Variants in TENM3 observed in about 807,000 individuals in gnomAD.
TENM3 encodes teneurin transmembrane protein 3, also known as teneurin-3.
In TENM3, 63 loss-of-function variants were observed where a neutral mutation model predicts 255.1. The observed-to-expected ratio is 0.25, with a 90% confidence interval of 0.20 to 0.30. TENM3 has a LOEUF of 0.30. Ranked by LOEUF, TENM3 falls within the 10% of genes least tolerant of loss-of-function variation. The pLI is 1.00. For missense variants in TENM3, 2,929 were observed against 3,461.1 expected, an observed-to-expected ratio of 0.85 and a Z score of 3.86; for synonymous variants, 1,306 against 1,322.3, an observed-to-expected ratio of 0.99 and a Z score of 0.27.
At chr4:182,743,506 A>G in intron 19 of TENM3, 87 bp downstream of exon 19, 2 of 1,431,396 alleles carry the variant, frequency 1.4e-6, no homozygotes, top group Non-Finnish European at 1.9e-6. Flanking sequence ...TGATTTATTC[A>G]TAGAAAAATA....
At chr4:181,991,559 G>T in the TENM3 span, among the ~76,000 whole-genome samples, 1 of 152,090 alleles carries the variant, frequency 6.6e-6, no homozygotes, top group Non-Finnish European at 1.5e-5. Context: ...ATCGTCCAGT[G>T]GCTACTCACT....
chr4:181,502,302 T>C, the TENM3 span, among the ~76,000 whole-genome samples: 3 of 152,156 alleles, frequency 2.0e-5, no homozygotes, highest in Non-Finnish European at 4.4e-5. Flanking sequence ...TCATCCATTG[T>C]AGCACATGGG....
At chr4:182,214,062 C>T (rs189920593) in intron 1 of TENM3, among the ~76,000 whole-genome samples, 1 of 152,104 alleles carries the variant, frequency 6.6e-6, no homozygotes, top group African/African-American at 2.4e-5. Context: ...GCGGCCTCCC[C>T]AAGTGCTGGG....
the TENM3 span, among the ~76,000 whole-genome samples, chr4:181,605,396 A>T: frequency 6.7e-6 from 1 of 149,750 alleles, no homozygotes; most frequent in African/African-American, 2.5e-5. Flanking sequence ...GTGAGCTGAG[A>T]TCGCCCCACG....
At chr4:181,948,715 C>A in the TENM3 span, among the ~76,000 whole-genome samples, 1 of 152,238 alleles carries the variant, frequency 6.6e-6, no homozygotes, top group African/African-American at 2.4e-5. Context: ...CGCGCCTGGC[C>A]GGAAAATTAT....
the TENM3 span, among the ~76,000 whole-genome samples, chr4:181,962,453 ATTG>A: frequency 1.3e-5 from 2 of 152,178 alleles, no homozygotes. Flanking sequence ...CAGTTTTGGT[ATTG>A]TTGTATCTGC....
the TENM3 span, among the ~76,000 whole-genome samples, chr4:181,467,887 C>T: frequency 6.6e-6 from 1 of 152,010 alleles, no homozygotes; most frequent in Non-Finnish European, 1.5e-5. Context: ...TCTGGATTGA[C>T]CCTATATTAT....
chr4:182,735,545 C>T (rs1267485729), intron 16 of TENM3, among the ~76,000 whole-genome samples: 1 of 152,198 alleles, frequency 6.6e-6, no homozygotes, highest in Non-Finnish European at 1.5e-5. Context: ...AACACTGAAT[C>T]ACTATTCTAA....
the TENM3 span, among the ~76,000 whole-genome samples, chr4:181,933,582 G>A: frequency 6.6e-6 from 1 of 152,178 alleles, no homozygotes; most frequent in Non-Finnish European, 1.5e-5. Context: ...AGCAAATCAA[G>A]GGTTAATAGG....
intron 1 of TENM3, among the ~76,000 whole-genome samples, chr4:182,223,356 G>C (rs1561214590): frequency 2.0e-5 from 3 of 152,064 alleles, no homozygotes; most frequent in African/African-American, 7.2e-5. Flanking sequence ...AAAAATGTTA[G>C]AGATTTCAAA....
At chr4:182,025,020 A>ATTTTTTTTTTTTTTT in the TENM3 span, among the ~76,000 whole-genome samples, 18 of 121,112 alleles carry the variant, frequency 1.5e-4, 1 homozygote, top group African/African-American at 5.4e-4. Context: ...ACAGGATTTC[A>ATTTTTTTTTTTTTTT]TTTTTTTTTT....
At chr4:182,417,172 T>C (rs1043019117) in intron 3 of TENM3, among the ~76,000 whole-genome samples, 1 of 152,038 alleles carries the variant, frequency 6.6e-6, no homozygotes, top group Admixed American at 6.6e-5. Context: ...GAGATGGGGT[T>C]TCACCGTGTC....
chr4:181,911,679 A>T, the TENM3 span, among the ~76,000 whole-genome samples: 30 of 152,294 alleles, frequency 2.0e-4, no homozygotes, highest in African/African-American at 6.3e-4. Flanking sequence ...AGAGGCTGGC[A>T]CATAAAAATC....
At chr4:181,949,494 T>A in the TENM3 span, among the ~76,000 whole-genome samples, 7 of 152,166 alleles carry the variant, frequency 4.6e-5, no homozygotes, top group Non-Finnish European at 1.0e-4. Context: ...ATTATTTTCC[T>A]CAAAATCAAT....
At chr4:181,984,444 GAAGA>G in the TENM3 span, among the ~76,000 whole-genome samples, 1 of 151,850 alleles carries the variant, frequency 6.6e-6, no homozygotes, top group Non-Finnish European at 1.5e-5. Context: ...AAATTTCCGG[GAAGA>G]AAGAAAAAGC....
At chr4:182,002,782 T>C in the TENM3 span, among the ~76,000 whole-genome samples, 1 of 152,176 alleles carries the variant, frequency 6.6e-6, no homozygotes, top group Admixed American at 6.6e-5. Context: ...CTGTAGGCTA[T>C]AGACCACCCA....
chr4:182,374,195 A>T (rs1377939154), intron 3 of TENM3, among the ~76,000 whole-genome samples: 1 of 152,164 alleles, frequency 6.6e-6, no homozygotes, highest in Non-Finnish European at 1.5e-5. Context: ...TTCTTCATCT[A>T]AAAGTTAGTC....
chr4:181,641,806 ATAT>A, the TENM3 span, among the ~76,000 whole-genome samples: 1 of 7,078 alleles, frequency 1.4e-4, no homozygotes, highest in Non-Finnish European at 2.3e-4. Context: ...CACACACACC[ATAT>A]ATATATATAT....
At chr4:182,053,093 A>G in the TENM3 span, among the ~76,000 whole-genome samples, 1 of 152,240 alleles carries the variant, frequency 6.6e-6, no homozygotes, top group East Asian at 1.9e-4. Context: ...AGCTGGGACT[A>G]CAAGTGAGTG....
Sources: allele counts gnomAD v4.1 joint callset (sites outside exome capture counted in the v4.1 genomes callset), GRCh38; gene constraint gnomAD v4.1.1; transcripts MANE v1.5; gene names NCBI Gene and HGNC (gene_info 2026-07-23, HGNC 2026-07-21).